The following ITSN2 variants were observed in gnomAD, a reference collection of about 807,000 sequenced individuals.
The protein encoded by ITSN2 is intersectin 2.
ITSN2 carries 156 observed loss-of-function variants against 243.7 expected under a neutral mutation model. That is an observed-to-expected ratio of 0.64 (90% CI 0.56 to 0.73). The LOEUF is 0.73. Among genes scored for constraint, ITSN2 ranks in the 30% least tolerant of loss-of-function variants. ITSN2 has a pLI of 0.00. For synonymous variants in ITSN2, 703 were observed against 699.9 expected, an observed-to-expected ratio of 1.00 and a Z score of -0.07; for missense variants, 1,801 against 1,996.1, an observed-to-expected ratio of 0.90 and a Z score of 1.86.
At chr2:24,333,546 CT>C (rs1197988433) in intron 1 of ITSN2, among the ~76,000 whole-genome samples, 11 of 152,148 alleles carry the variant, frequency 7.2e-5, no homozygotes, top group African/African-American at 2.7e-4. Flanking sequence ...ATTTTGAATA[CT>C]GTTAGTTATG....
At chr2:24,339,396 G>A (rs1481963545) in intron 1 of ITSN2, among the ~76,000 whole-genome samples, 12 of 151,530 alleles carry the variant, frequency 7.9e-5, no homozygotes, top group Non-Finnish European at 1.6e-4. Context: ...ACTTGAACTT[G>A]GAAGGCGAAG....
At chr2:24,312,794 G>GT (rs1683413808) in intron 4 of ITSN2, among the ~76,000 whole-genome samples, 1 of 152,028 alleles carries the variant, frequency 6.6e-6, no homozygotes, top group African/African-American at 2.4e-5. Flanking sequence ...TATTGTAAAC[G>GT]TTTTTAAAAA....
chr2:24,209,297 CTGTT>C lies in ITSN2; in HGVS notation c.4474-80_4474-77del, dbSNP rs1176035155. On this transcript the variant is annotated intron_variant, in intron 35 of 39. Coordinates refer to ENST00000355123, the MANE Select transcript of ITSN2 (RefSeq NM_006277.3). Reference sequence around the variant, plus strand: ...CACCCGCCTATGTCCAGAGAGAGTTCTGTTTGTTCTGAAGAGCCTTGTTGAGAAG... The same window carrying C: ...CACCCGCCTATGTCCAGAGAGAGTTCTGTTCTGAAGAGCCTTGTTGAGAAG... 7.6e-6 allele frequency: 12 copies of C among 1,570,248 alleles called. No homozygotes were observed. The East Asian group carries it at 2.7e-4, about 35-fold the overall frequency.
chr2:24,336,228 C>T (rs1406392131), intron 1 of ITSN2, among the ~76,000 whole-genome samples: 2 of 138,596 alleles, frequency 1.4e-5, no homozygotes, highest in South Asian at 2.3e-4. Context: ...GGCCACAGAG[C>T]GAGACTCTGT....
intron 8 of ITSN2, among the ~76,000 whole-genome samples, chr2:24,307,297 A>G (rs890235751): frequency 2.0e-5 from 3 of 152,140 alleles, no homozygotes; most frequent in Admixed American, 1.3e-4. Context: ...ACTATGACAC[A>G]GTGCTAAGAC....
rs1683351534 is a variant in ITSN2, at chr2:24,312,348, C to T, written c.216G>A (p.Gly72=). The T allele has an allele frequency of 6.2e-7, 1 of 1,611,780 alleles. No individual in the cohort carries two copies. The highest frequency in any genetic ancestry group is 1.3e-5 in the African/African-American group (1 of 74,854). The change falls in exon 5 of 40, where the codon GGG becomes GGA. Residue 72 remains glycine, a synonymous_variant. Transcript: ENST00000355123. ...TGGAGAACTCTTGCTGATCCATCTT[C>T]CCATCCTTGTTTAGGTCTGATAAAG... The part of the protein sequence containing the change: ...IWALSDLNKD[G]KMDQQEFSIA...
At chr2:24,260,324 C>G (rs1574052422) in intron 22 of ITSN2, among the ~76,000 whole-genome samples, 1 of 151,954 alleles carries the variant, frequency 6.6e-6, no homozygotes, top group Non-Finnish European at 1.5e-5. Flanking sequence ...AAGGTGAAAT[C>G]TGGAGGACTT....
intron 1 of ITSN2, among the ~76,000 whole-genome samples, chr2:24,356,090 C>T (rs565135712): frequency 3.2e-4 from 49 of 152,116 alleles, no homozygotes; most frequent in Non-Finnish European, 2.9e-4. Flanking sequence ...ATCCCAGCTA[C>T]TCAGGAGGCT....
At chr2:24,313,099 T>C (rs1683458918) in intron 4 of ITSN2, among the ~76,000 whole-genome samples, 1 of 151,250 alleles carries the variant, frequency 6.6e-6, no homozygotes, top group Admixed American at 6.6e-5. Flanking sequence ...TTTTTTTTTT[T>C]TCTAAAGAGA....
intron 29 of ITSN2, among the ~76,000 whole-genome samples, chr2:24,230,941 C>G (rs1432636993): frequency 6.6e-6 from 1 of 152,098 alleles, no homozygotes; most frequent in African/African-American, 2.4e-5. Flanking sequence ...CCTCTTCCCA[C>G]CGCACAGGCC....
chr2:24,327,725 C>T (rs1574326643), intron 2 of ITSN2, among the ~76,000 whole-genome samples: 1 of 152,124 alleles, frequency 6.6e-6, no homozygotes, highest in East Asian at 1.9e-4. Flanking sequence ...CATCGGTTTA[C>T]AATCATGTTA....
intron 38 of ITSN2, 54 bp downstream of exon 38, chr2:24,205,160 C>A: frequency 6.7e-7 from 1 of 1,494,116 alleles, no homozygotes; most frequent in South Asian, 1.1e-5. Flanking sequence ...AAGTCATCAG[C>A]AAAAACTGGG....
chr2:24,357,472 T>TG (rs1176595320), intron 1 of ITSN2, among the ~76,000 whole-genome samples: 1 of 151,916 alleles, frequency 6.6e-6, no homozygotes, highest in East Asian at 1.9e-4. Flanking sequence ...CAGGACCTGT[T>TG]GTGGGGGGGC....
intron 2 of ITSN2, among the ~76,000 whole-genome samples, chr2:24,326,901 A>C (rs907594507): frequency 3.3e-5 from 5 of 152,208 alleles, no homozygotes; most frequent in Non-Finnish European, 7.3e-5. Flanking sequence ...CAAGTTTAAA[A>C]AACAACTGAT....
intron 1 of ITSN2, among the ~76,000 whole-genome samples, chr2:24,348,400 G>C (rs1001343272): frequency 3.3e-5 from 5 of 151,878 alleles, no homozygotes; most frequent in Non-Finnish European, 2.9e-5. Context: ...ATGTTGGCCA[G>C]GCTGGTCTCG....
chr2:24,266,469 C>T lies in ITSN2; in HGVS notation c.2355+4202G>A, dbSNP rs528749807. On this transcript the variant is annotated intron_variant, in intron 20 of 39. Coordinates refer to ENST00000355123, the MANE Select transcript of ITSN2 (RefSeq NM_006277.3). Reference sequence around the variant, plus strand: ...ATGTTATATGTCTGGCTATTTATTACATCATGAATGAAATATTTAGAAAAC... The same window carrying T: ...ATGTTATATGTCTGGCTATTTATTATATCATGAATGAAATATTTAGAAAAC... Among the ~76,000 whole-genome samples, 177 of 152,202 alleles carry T rather than the reference C, an allele frequency of 1.2e-3. 1 individual carries two copies. The highest frequency in any genetic ancestry group is 2.0e-3 in the Non-Finnish European group (134 of 68,006).
chr2:24,337,316 A>ATATATATATATATACG (rs1686509017), intron 1 of ITSN2, among the ~76,000 whole-genome samples: 1 of 11,636 alleles, frequency 8.6e-5, no homozygotes, highest in South Asian at 3.0e-3. Context: ...TATACACAAA[A>ATATATATATATATACG]TATATATATA....
intron 15 of ITSN2, among the ~76,000 whole-genome samples, chr2:24,287,495 A>C (rs774842575): frequency 1.3e-5 from 2 of 152,130 alleles, no homozygotes; most frequent in Non-Finnish European, 1.5e-5. Context: ...TACTGCATTT[A>C]GCATAAGGGA....
intron 1 of ITSN2, among the ~76,000 whole-genome samples, chr2:24,333,215 C>T (rs945972463): frequency 2.0e-5 from 3 of 152,158 alleles, no homozygotes; most frequent in South Asian, 2.1e-4. Flanking sequence ...GGAGATAATG[C>T]GTCACAGGTT....
Sources: allele counts gnomAD v4.1 joint callset (sites outside exome capture counted in the v4.1 genomes callset), GRCh38; gene constraint gnomAD v4.1.1; transcripts MANE v1.5; gene names NCBI Gene and HGNC (gene_info 2026-07-23, HGNC 2026-07-21).